ARB2A: variants seen among roughly 807,000 people sequenced by gnomAD.
ARB2A encodes the protein cotranscriptional regulator ARB2A.
the ARB2A span, among the ~76,000 whole-genome samples, chr5:93,711,357 C>T: frequency 6.6e-6 from 1 of 152,192 alleles, no homozygotes; most frequent in East Asian, 1.9e-4. Flanking sequence ...CCTACACACA[C>T]TGGGAACATC....
At chr5:94,019,318 A>G in the ARB2A span, among the ~76,000 whole-genome samples, 1 of 152,216 alleles carries the variant, frequency 6.6e-6, no homozygotes, top group African/African-American at 2.4e-5. Flanking sequence ...AATGGGATCT[A>G]ATTAAACTAA....
chr5:93,661,511 G>A, the ARB2A span, among the ~76,000 whole-genome samples: 1 of 152,008 alleles, frequency 6.6e-6, no homozygotes, highest in Non-Finnish European at 1.5e-5. Flanking sequence ...ACCAGGAAGG[G>A]ACACAAAACT....
the ARB2A span, among the ~76,000 whole-genome samples, chr5:93,866,649 G>C: frequency 6.6e-6 from 1 of 152,122 alleles, no homozygotes; most frequent in Non-Finnish European, 1.5e-5. Flanking sequence ...TATACAGACG[G>C]CCTACTTTAC....
chr5:93,811,378 C>A, the ARB2A span, among the ~76,000 whole-genome samples: 2 of 152,118 alleles, frequency 1.3e-5, no homozygotes, highest in Non-Finnish European at 2.9e-5. Context: ...CTTATTTCCC[C>A]TTCACTAGTT....
chr5:93,960,006 G>GT, the ARB2A span, among the ~76,000 whole-genome samples: 1 of 147,844 alleles, frequency 6.8e-6, no homozygotes, highest in South Asian at 2.1e-4. Flanking sequence ...ATTGTGTAAC[G>GT]TAATAGCTCT....
At chr5:93,794,675 G>T in the ARB2A span, among the ~76,000 whole-genome samples, 1 of 152,182 alleles carries the variant, frequency 6.6e-6, no homozygotes, top group Non-Finnish European at 1.5e-5. Flanking sequence ...CACTGTAGTT[G>T]TTTTTGCTCT....
the ARB2A span, among the ~76,000 whole-genome samples, chr5:93,713,244 G>C: frequency 2.6e-5 from 4 of 151,902 alleles, no homozygotes; most frequent in Non-Finnish European, 4.4e-5. Context: ...CACAGATAAG[G>C]AAACAATCAA....
chr5:94,019,297 CA>C, the ARB2A span, among the ~76,000 whole-genome samples: 5 of 152,060 alleles, frequency 3.3e-5, no homozygotes, highest in Non-Finnish European at 7.4e-5. Context: ...CAACAAAAGC[CA>C]AAATTGACAA....
chr5:93,645,617 A>C, the ARB2A span, among the ~76,000 whole-genome samples: 1 of 152,110 alleles, frequency 6.6e-6, no homozygotes, highest in East Asian at 1.9e-4. Flanking sequence ...TTAAAAATCT[A>C]ATATGAAAAA....
chr5:93,918,666 CCCGTCT>C, the ARB2A span, among the ~76,000 whole-genome samples: 1 of 152,108 alleles, frequency 6.6e-6, no homozygotes, highest in Non-Finnish European at 1.5e-5. Flanking sequence ...GGGCGATCTG[CCCGTCT>C]CGGCCTCCCA....
chr5:93,722,612 A>T, the ARB2A span, among the ~76,000 whole-genome samples: 1 of 152,144 alleles, frequency 6.6e-6, no homozygotes, highest in Non-Finnish European at 1.5e-5. Flanking sequence ...ATGGGAAAAG[A>T]AAAAGAGTGA....
At chr5:93,697,512 C>T in the ARB2A span, among the ~76,000 whole-genome samples, 1 of 152,100 alleles carries the variant, frequency 6.6e-6, no homozygotes, top group Non-Finnish European at 1.5e-5. Context: ...TATTTTGCCC[C>T]AATGCAATTC....
the ARB2A span, among the ~76,000 whole-genome samples, chr5:93,897,349 G>T: frequency 3.3e-5 from 5 of 151,938 alleles, no homozygotes; most frequent in East Asian, 9.7e-4. Flanking sequence ...TCTCAACATG[G>T]TATAATTTAT....
chr5:93,728,508 G>T, the ARB2A span, among the ~76,000 whole-genome samples: 5 of 151,984 alleles, frequency 3.3e-5, no homozygotes, highest in Non-Finnish European at 5.9e-5. Flanking sequence ...TTATTTATGA[G>T]ATTATAATAA....
the ARB2A span, among the ~76,000 whole-genome samples, chr5:93,684,420 T>C: frequency 7.2e-5 from 11 of 152,352 alleles, no homozygotes; most frequent in African/African-American, 2.4e-4. Flanking sequence ...CTAGCTGTTA[T>C]TATCATTATC....
the ARB2A span, among the ~76,000 whole-genome samples, chr5:94,069,826 T>C: frequency 9.9e-5 from 15 of 152,258 alleles, no homozygotes; most frequent in Admixed American, 2.0e-4. Flanking sequence ...GGAATTCTTA[T>C]ACACTGTTGT....
chr5:93,945,280 G>A, the ARB2A span, among the ~76,000 whole-genome samples: 4 of 152,106 alleles, frequency 2.6e-5, no homozygotes, highest in Non-Finnish European at 5.9e-5. Flanking sequence ...CAGGTGTGGT[G>A]GCAGGTGCCT....
At chr5:94,092,704 T>A in the ARB2A span, among the ~76,000 whole-genome samples, 1 of 152,214 alleles carries the variant, frequency 6.6e-6, no homozygotes, top group Non-Finnish European at 1.5e-5. Flanking sequence ...ACTAAAAAGA[T>A]GTCTACCAAA....
the ARB2A span, among the ~76,000 whole-genome samples, chr5:93,744,434 CAAAAAA>C: frequency 2.0e-3 from 29 of 14,524 alleles, no homozygotes; most frequent in African/African-American, 5.2e-3. Flanking sequence ...GACTCAGTCT[CAAAAAA>C]AAAAAAAAAA....
Sources: allele counts gnomAD v4.1 joint callset (sites outside exome capture counted in the v4.1 genomes callset), GRCh38; gene constraint gnomAD v4.1.1; transcripts MANE v1.5; gene names NCBI Gene and HGNC (gene_info 2026-07-23, HGNC 2026-07-21).